Variants in MGAM observed in about 807,000 individuals in gnomAD.
MGAM encodes maltase-glucoamylase.
In MGAM, 253 loss-of-function variants were observed where a neutral mutation model predicts 358.8. The ratio of observed to expected loss-of-function variants is 0.71; its 90% CI spans 0.64 to 0.78. The LOEUF is 0.78. Among genes scored for constraint, MGAM ranks in the 30% least tolerant of loss-of-function variants. The pLI, the probability that MGAM is intolerant of heterozygous loss-of-function variation, is 0.00. For synonymous variants in MGAM, 1,105 were observed against 1,227.1 expected (o/e 0.90, Z 2.08); for missense variants, 3,080 against 3,432.6 (o/e 0.90, Z 2.57).
intron 31 of MGAM, 90 bp downstream of exon 31, chr7:142,058,418 T>C: frequency 6.4e-7 from 1 of 1,569,706 alleles, no homozygotes; most frequent in Admixed American, 1.8e-5. Flanking sequence ...TTGGATTCCA[T>C]AAAGACATAA....
At chr7:142,020,594 T>A (rs556418848) in intron 4 of MGAM, among the ~76,000 whole-genome samples, 9 of 135,044 alleles carry the variant, frequency 6.7e-5, no homozygotes, top group Non-Finnish European at 1.4e-4. Context: ...CTAATATATA[T>A]ATATATATAT....
intron 43 of MGAM, 59 bp from the exon 44 acceptor site, chr7:142,070,935 A>G (rs1813291273): frequency 6.5e-7 from 1 of 1,539,992 alleles, no homozygotes; most frequent in Non-Finnish European, 8.9e-7. Flanking sequence ...GGCAGGATGC[A>G]TTGTTCAGGG....
In MGAM at chr7:142,093,558, T is replaced by C. The variant is rs1434623909; in HGVS notation, c.7172+8T>C. The C allele has an allele frequency of 1.4e-5, 21 of 1,496,260 alleles. 2 individuals are homozygous for C. Among genetic ancestry groups the C allele is most frequent in the Non-Finnish European group, 1.8e-5 (20 of 1,101,534 alleles). 92.7% of individuals were successfully genotyped at this position (1,496,260 alleles called of 1,614,324 possible). A position where few individuals can be genotyped will look rare whatever the true frequency, so the allele number is the denominator to read the frequency against. Reference sequence around the variant, plus strand: ...GACCAGACCCACATACGAGTGAGTCTCTGTCTCCCTTCTCCAGCTGTCACA... The same window carrying C: ...GACCAGACCCACATACGAGTGAGTCCCTGTCTCCCTTCTCCAGCTGTCACA... On this transcript the variant is annotated splice_region_variant and intron_variant, in intron 60 of 70. Transcript: ENST00000475668.
At chr7:142,092,168 T>G (rs73153991) in intron 58 of MGAM, 121 bp downstream of exon 58, 203,523 of 1,310,058 alleles carry the variant, frequency 0.16, 38,277 homozygotes, top group Middle Eastern at 0.17. Flanking sequence ...TTTGGACATA[T>G]CAGACACTTC....
At position 142,082,660 on chromosome 7, in the gene MGAM, A is replaced by G. The variant is rs1814418170; in HGVS notation, c.6268+89A>G. The G allele has an allele frequency of 1.3e-5, 14 of 1,095,376 alleles. 3 individuals carry two copies. Among genetic ancestry groups the G allele is most frequent in the Non-Finnish European group, 1.8e-5 (14 of 765,068 alleles). The allele number at this position is 1,095,376 out of a possible 1,614,324, so 67.9% of individuals were successfully genotyped here. A position where few individuals can be genotyped will look rare whatever the true frequency, so the allele number is the denominator to read the frequency against. ...ATGTGTTTAGCCTAACTGTTCCTTG[A>G]AGTCAAAATCTTCATTTTACGGGCA... On this transcript the variant is annotated intron_variant, in intron 52 of 70. Transcript: ENST00000475668.
rs1389822438 is a variant in MGAM at position 142,052,423 on chromosome 7, A to G, written c.2935A>G (p.Thr979Ala). ...DENGASAENC[T>A]ARGCIWEASN... ...GAATGGTGCTTCTGCCGAAAACTGC[A>G]CTGCCCGTGGCTGTATCTGGGAGGT... The change falls in exon 25 of 71, where the codon ACT (threonine) becomes GCT (alanine). Residue 979 changes from threonine (T) to alanine (A), a missense_variant. By Grantham distance (58) the Thr-to-Ala change is moderately conservative (BLOSUM62 0). Coordinates refer to ENST00000475668, the MANE Select transcript of MGAM (RefSeq NM_001365693.1). 3 of 1,613,320 alleles carry G rather than the reference A, an allele frequency of 1.9e-6. No homozygotes were observed. In the African/African-American group the frequency reaches 4.0e-5, roughly 22 times the overall value.
chr7:142,106,087 T>A lies in MGAM; in HGVS notation c.*196T>A, dbSNP rs1816839493. On this transcript the variant is annotated 3_prime_UTR_variant, in exon 71 of 71. Transcript: ENST00000475668. ...CCTGTGGGATAGGCAGTTAGGGAGG[T>A]GTGGAAAATCTATGCATTACCTTAA... 4.0e-6 allele frequency: 2 copies of A among 499,246 alleles called. No homozygotes were observed. The highest frequency in any genetic ancestry group is 7.3e-6 in the Non-Finnish European group (2 of 273,356). 30.9% of individuals were successfully genotyped at this position (499,246 alleles called of 1,614,324 possible).
intron 46 of MGAM, 155 bp downstream of exon 46, chr7:142,076,407 A>C: frequency 1.1e-6 from 1 of 940,162 alleles, no homozygotes; most frequent in African/African-American, 1.6e-5. Context: ...CGATGTTTTC[A>C]AAAGGAGGCA....
At chr7:142,025,567 T>G (rs1304056536) in intron 8 of MGAM, among the ~76,000 whole-genome samples, 2 of 152,134 alleles carry the variant, frequency 1.3e-5, no homozygotes, top group African/African-American at 4.8e-5. Flanking sequence ...GCATAGGGTA[T>G]TGATCCATAC....
Position 142,045,258 on chromosome 7 carries a change from A to AAT in MGAM, c.2499-2520_2499-2519dup, listed in dbSNP as rs1225779271. 3.0e-3 allele frequency among the ~76,000 whole-genome samples: 303 copies of AAT among 102,066 alleles called. 2 individuals carry two copies. Among genetic ancestry groups the AAT allele is most frequent in the Non-Finnish European group, 4.7e-3 (265 of 56,322 alleles). 67.0% of individuals were successfully genotyped at this position (102,066 alleles called of 152,430 possible). ...ATATATCATATAATATATGATATAT[A>AAT]ATATATATTATATATACCTATAATA... On this transcript the variant is annotated intron_variant, in intron 21 of 70. Coordinates refer to ENST00000475668, the MANE Select transcript of MGAM (RefSeq NM_001365693.1).
chr7:142,060,916 C>T (rs955148336), intron 34 of MGAM, among the ~76,000 whole-genome samples: 2 of 152,106 alleles, frequency 1.3e-5, no homozygotes, highest in African/African-American at 2.4e-5. Context: ...TTGCTTTTAC[C>T]TGTCAGTTTC....
intron 59 of MGAM, among the ~76,000 whole-genome samples, chr7:142,092,842 G>A (rs908238229): frequency 2.7e-5 from 4 of 146,576 alleles, no homozygotes; most frequent in African/African-American, 9.7e-5. Context: ...CTTACGAGTG[G>A]TCATGCCACC....
At chr7:142,029,813 C>T (rs1807302439) in intron 10 of MGAM, among the ~76,000 whole-genome samples, 1 of 152,210 alleles carries the variant, frequency 6.6e-6, no homozygotes, top group African/African-American at 2.4e-5. Context: ...CTCTCCCCCA[C>T]TCTATTCCAT....
chr7:142,046,154 A>T (rs1321093715), intron 21 of MGAM, among the ~76,000 whole-genome samples: 2 of 142,944 alleles, frequency 1.4e-5, no homozygotes, highest in African/African-American at 5.3e-5. Flanking sequence ...ATATATATTT[A>T]TATTATATTT....
intron 21 of MGAM, among the ~76,000 whole-genome samples, chr7:142,043,925 C>G: frequency 9.0e-6 from 1 of 110,658 alleles, no homozygotes; most frequent in South Asian, 2.5e-4. Context: ...ATAATATATA[C>G]ATTATATACA....
At chr7:142,043,605 A>C (rs549105864) in intron 21 of MGAM, among the ~76,000 whole-genome samples, 1,724 of 87,136 alleles carry the variant, frequency 0.02, 237 homozygotes, top group African/African-American at 0.076. Flanking sequence ...TATACATATA[A>C]TATCTAATAT....
chr7:142,025,199 C>G, intron 8 of MGAM, 50 bp downstream of exon 8: 1 of 1,348,422 alleles, frequency 7.4e-7, no homozygotes, highest in Non-Finnish European at 1.1e-6. Flanking sequence ...TTTTCAGTCC[C>G]TTTCTTACAG....
intron 7 of MGAM, among the ~76,000 whole-genome samples, chr7:142,023,445 A>G (rs968563612): frequency 4.6e-5 from 7 of 152,044 alleles, no homozygotes; most frequent in South Asian, 2.1e-4. Context: ...ATATATATAT[A>G]TACACACACA....
intron 46 of MGAM, 184 bp from the exon 47 acceptor site, chr7:142,076,475 A>G (rs753748653): frequency 1.2e-6 from 1 of 856,906 alleles, no homozygotes; most frequent in Admixed American, 2.0e-5. Flanking sequence ...TGTTTTTATG[A>G]TTGTATCAAA....
Sources: allele counts gnomAD v4.1 joint callset (sites outside exome capture counted in the v4.1 genomes callset), GRCh38; gene constraint gnomAD v4.1.1; transcripts MANE v1.5; gene names NCBI Gene and HGNC (gene_info 2026-07-23, HGNC 2026-07-21).